The following PTPN13 variants were observed in gnomAD, a reference collection of about 807,000 sequenced individuals.
The protein encoded by PTPN13 is tyrosine-protein phosphatase non-receptor type 13.
Under a neutral mutation model 284.0 loss-of-function variants are expected in PTPN13, and 191 were observed. The observed-to-expected ratio is 0.67, with a 90% CI of 0.60 to 0.76. PTPN13 has a LOEUF of 0.76. Among genes scored for constraint, PTPN13 ranks in the 30% least tolerant of loss-of-function variants. The probability of loss-of-function intolerance (pLI) is 0.00; values close to 1 mark genes in which losing one functional copy is unlikely to be tolerated. For synonymous variants in PTPN13, 986 were observed against 1,022.3 expected (o/e 0.96, Z 0.68); for missense variants, 2,797 against 2,939.9 (o/e 0.95, Z 1.12).
intron 44 of PTPN13, among the ~76,000 whole-genome samples, 156 bp downstream of exon 44, chr4:86,805,525 T>C (rs1744561323): frequency 6.6e-6 from 1 of 152,208 alleles, no homozygotes; most frequent in Non-Finnish European, 1.5e-5. Context: ...AAATATTCCG[T>C]GTAAATCCCC....
intron 9 of PTPN13, among the ~76,000 whole-genome samples, chr4:86,719,080 A>G (rs1037259322): frequency 6.6e-6 from 1 of 152,160 alleles, no homozygotes; most frequent in Non-Finnish European, 1.5e-5. Context: ...TCAAGCAGGT[A>G]TTAAGCCCAG....
intron 26 of PTPN13, 52 bp downstream of exon 26, chr4:86,765,540 A>G: frequency 1.6e-6 from 2 of 1,270,906 alleles, no homozygotes; most frequent in Non-Finnish European, 2.2e-6. Flanking sequence ...TACAACAAAT[A>G]GATAAGAAAT....
At position 86,745,130 on chromosome 4, in the gene PTPN13, TA is replaced by T. The variant is rs1736593131; in HGVS notation, c.2650+4del. ...GCAACCAAGATGCCCAAGATATTGG[TA>T]AGGAGAAGCAGACTATTTCAGATGA... On this transcript the variant is annotated splice_donor_region_variant and intron_variant, in intron 17 of 47. Transcript: ENST00000411767. The T allele has an allele frequency of 6.2e-7, 1 of 1,606,010 alleles. No homozygotes were observed. The highest frequency in any genetic ancestry group is 1.7e-5 in the Admixed American group (1 of 58,054).
chr4:86,733,015 A>T (rs1392399914), intron 12 of PTPN13, among the ~76,000 whole-genome samples: 1 of 151,992 alleles, frequency 6.6e-6, no homozygotes, highest in Non-Finnish European at 1.5e-5. Context: ...ATAAAAATAT[A>T]TTTTAATTAT....
intron 40 of PTPN13, among the ~76,000 whole-genome samples, chr4:86,796,404 G>A (rs6836307): frequency 0.045 from 6,866 of 152,142 alleles, 508 homozygotes; most frequent in African/African-American, 0.16. Context: ...GGAGGCTGAG[G>A]CAGGAGAGTA....
intron 7 of PTPN13, among the ~76,000 whole-genome samples, chr4:86,705,445 A>G (rs1578455369): frequency 6.6e-6 from 1 of 152,160 alleles, no homozygotes; most frequent in East Asian, 1.9e-4. Context: ...CATTTTTCTC[A>G]TTTAATTCTA....
chr4:86,729,504 C>T (rs1298414251), intron 10 of PTPN13, among the ~76,000 whole-genome samples: 1 of 149,762 alleles, frequency 6.7e-6, no homozygotes, highest in East Asian at 1.9e-4. Context: ...GGTCTTTTCA[C>T]ATATTCCGTG....
intron 43 of PTPN13, 89 bp downstream of exon 43, chr4:86,803,946 A>G (rs1161971631): frequency 7.0e-7 from 1 of 1,420,938 alleles, no homozygotes; most frequent in East Asian, 2.3e-5. Context: ...AGATTAGAAG[A>G]ATTTTTGAAA....
chr4:86,673,868 C>T (rs947963643), intron 3 of PTPN13, among the ~76,000 whole-genome samples: 8 of 152,002 alleles, frequency 5.3e-5, no homozygotes, highest in Admixed American at 2.0e-4. Flanking sequence ...CAGCACACCT[C>T]GCTAATTTTT....
intron 6 of PTPN13, among the ~76,000 whole-genome samples, chr4:86,694,729 G>C (rs1554312348): frequency 6.7e-6 from 1 of 150,298 alleles, no homozygotes; most frequent in Non-Finnish European, 1.5e-5. Flanking sequence ...GATTATCTTT[G>C]TTCTCTTCTT....
intron 38 of PTPN13, 100 bp from the exon 39 acceptor site, chr4:86,785,131 T>TA: frequency 1.1e-6 from 1 of 910,794 alleles, no homozygotes; most frequent in Non-Finnish European, 1.6e-6. Context: ...ATTGGTTGCT[T>TA]AAAATTTGAA....
At chr4:86,750,028 G>GT (rs1565480436) in intron 17 of PTPN13, among the ~76,000 whole-genome samples, 2 of 152,148 alleles carry the variant, frequency 1.3e-5, no homozygotes, top group Admixed American at 1.3e-4. Context: ...GCTTTTTCAG[G>GT]TGTGTATTCA....
chr4:86,774,184 G>A (rs780243129), intron 32 of PTPN13, among the ~76,000 whole-genome samples, 189 bp from the exon 33 acceptor site: 1 of 152,090 alleles, frequency 6.6e-6, no homozygotes, highest in Admixed American at 6.5e-5. Flanking sequence ...GGGATGCAGT[G>A]GGGGGACAGT....
At position 86,770,126 on chromosome 4, in the gene PTPN13, C is replaced by G; in HGVS notation, c.4730C>G (p.Thr1577Ser). 1 of 1,613,732 alleles carries G rather than the reference C, an allele frequency of 6.2e-7. No individual in the cohort carries two copies. Among genetic ancestry groups the G allele is most frequent in the Non-Finnish European group, 8.5e-7 (1 of 1,179,752 alleles). The change falls in exon 30 of 48, where the codon ACT (threonine) becomes AGT (serine). Residue 1577 changes from threonine to serine, a missense_variant. Thr to Ser is a moderately conservative substitution (Grantham distance 58). Transcript: ENST00000411767. ...QQEVISALRG[T>S]APEVFLLLCR... ...GAAGTCATATCTGCTCTCAGGGGAA[C>G]TGCTCCAGAAGTATTCTTGCTTCTC...
chr4:86,761,045 G>T (rs1671506896), intron 23 of PTPN13, among the ~76,000 whole-genome samples: 1 of 150,008 alleles, frequency 6.7e-6, no homozygotes, highest in Admixed American at 6.6e-5. Flanking sequence ...ATAAGAAGTT[G>T]AAGTCCCCTT....
chr4:86,793,443 A>G (rs1212191676), intron 40 of PTPN13, among the ~76,000 whole-genome samples: 1 of 152,194 alleles, frequency 6.6e-6, no homozygotes, highest in Non-Finnish European at 1.5e-5. Context: ...TAGACAGGTC[A>G]ACAAGACAGA....
At chr4:86,707,851 C>T (rs1459994633) in intron 7 of PTPN13, among the ~76,000 whole-genome samples, 1 of 152,062 alleles carries the variant, frequency 6.6e-6, no homozygotes, top group Non-Finnish European at 1.5e-5. Context: ...TCAAATACCA[C>T]ATGTATTTCA....
At chr4:86,599,701 AT>A (rs1764126937) in intron 1 of PTPN13, among the ~76,000 whole-genome samples, 1 of 152,164 alleles carries the variant, frequency 6.6e-6, no homozygotes, top group African/African-American at 2.4e-5. Flanking sequence ...TAATTTAAAA[AT>A]ATATTGTGTT....
At chr4:86,760,327 G>A (rs1738532468) in intron 23 of PTPN13, among the ~76,000 whole-genome samples, 1 of 152,158 alleles carries the variant, frequency 6.6e-6, no homozygotes, top group South Asian at 2.1e-4. Flanking sequence ...TAAGTTTAAA[G>A]CAGCCAAGAC....
Sources: allele counts gnomAD v4.1 joint callset (sites outside exome capture counted in the v4.1 genomes callset), GRCh38; gene constraint gnomAD v4.1.1; transcripts MANE v1.5; gene names NCBI Gene and HGNC (gene_info 2026-07-23, HGNC 2026-07-21).